The following ADGRB3 variants were observed in gnomAD, a reference collection of about 807,000 sequenced individuals.
ADGRB3 encodes adhesion G protein-coupled receptor B3.
In ADGRB3, 37 loss-of-function variants were observed where a neutral mutation model predicts 193.4. The observed-to-expected ratio is 0.19, with a 90% CI of 0.15 to 0.25. The LOEUF (loss-of-function observed/expected upper bound fraction) is 0.25. Among genes scored for constraint, ADGRB3 ranks in the 10% least tolerant of loss-of-function variants. The probability of loss-of-function intolerance (pLI) is 1.00; values close to 1 mark genes in which losing one functional copy is unlikely to be tolerated. For synonymous variants in ADGRB3, 690 were observed against 644.2 expected (o/e 1.07, Z -1.08); for missense variants, 1,637 against 1,852.9 (o/e 0.88, Z 2.14).
intron 12 of ADGRB3, among the ~76,000 whole-genome samples, chr6:69,016,920 A>G (rs1239556988): frequency 3.3e-5 from 5 of 151,924 alleles, no homozygotes; most frequent in African/African-American, 1.2e-4. Flanking sequence ...ATACTCATAT[A>G]CATATGCACC....
intron 20 of ADGRB3, among the ~76,000 whole-genome samples, chr6:69,258,079 C>A (rs188031880): frequency 2.6e-5 from 4 of 152,110 alleles, no homozygotes; most frequent in Admixed American, 1.3e-4. Flanking sequence ...GAAATCTCTG[C>A]AGCTAGCGAT....
At chr6:69,182,362 T>C (rs62406816) in intron 17 of ADGRB3, among the ~76,000 whole-genome samples, 4,080 of 148,598 alleles carry the variant, frequency 0.027, 80 homozygotes, top group Non-Finnish European at 0.042. Flanking sequence ...CCCAGAAACC[T>C]ATGGAAGTAA....
At chr6:68,644,131 A>G (rs999453579) in intron 3 of ADGRB3, among the ~76,000 whole-genome samples, 1 of 152,106 alleles carries the variant, frequency 6.6e-6, no homozygotes, top group Admixed American at 6.5e-5. Context: ...AATAGGAAAG[A>G]CAGCAATAAA....
At chr6:68,679,566 G>A (rs778290666) in intron 3 of ADGRB3, among the ~76,000 whole-genome samples, 4 of 151,986 alleles carry the variant, frequency 2.6e-5, no homozygotes, top group African/African-American at 7.2e-5. Flanking sequence ...ATACATGAAA[G>A]GAGAAGCACA....
intron 17 of ADGRB3, among the ~76,000 whole-genome samples, chr6:69,149,221 T>C (rs1178817230): frequency 6.6e-6 from 1 of 152,042 alleles, no homozygotes; most frequent in Non-Finnish European, 1.5e-5. Flanking sequence ...GCCTCATTCT[T>C]TTCTATTATT....
intron 3 of ADGRB3, among the ~76,000 whole-genome samples, chr6:68,682,254 C>G (rs1764910038): frequency 6.6e-6 from 1 of 152,212 alleles, no homozygotes; most frequent in Admixed American, 6.5e-5. Context: ...AAGTGTACAA[C>G]TAACCCAGTC....
intron 3 of ADGRB3, among the ~76,000 whole-genome samples, chr6:68,779,556 C>T (rs1562026130): frequency 6.6e-6 from 1 of 152,042 alleles, no homozygotes; most frequent in Non-Finnish European, 1.5e-5. Flanking sequence ...ATCAAATCAT[C>T]AGTGGAAAGA....
At chr6:69,231,671 A>T (rs1265586639) in intron 17 of ADGRB3, among the ~76,000 whole-genome samples, 3 of 151,996 alleles carry the variant, frequency 2.0e-5, no homozygotes, top group Admixed American at 6.6e-5. Context: ...CTGCTTTTTT[A>T]AAAAATTGGC....
intron 3 of ADGRB3, among the ~76,000 whole-genome samples, chr6:68,740,960 C>T (rs1396165008): frequency 6.6e-6 from 1 of 152,106 alleles, no homozygotes; most frequent in African/African-American, 2.4e-5. Context: ...CTCTGAAGTG[C>T]ATGCATACAG....
chr6:69,352,246 G>A (rs556611967), intron 26 of ADGRB3, among the ~76,000 whole-genome samples: 1 of 152,232 alleles, frequency 6.6e-6, no homozygotes, highest in African/African-American at 2.4e-5. Flanking sequence ...AATCTAAAAA[G>A]GAGGAGCTTG....
At chr6:69,038,068 A>G (rs112907223) in intron 13 of ADGRB3, among the ~76,000 whole-genome samples, 2,535 of 152,258 alleles carry the variant, frequency 0.017, 58 homozygotes, top group African/African-American at 0.052. Flanking sequence ...TAGGGGCTCA[A>G]TAGAGGTTTG....
rs1582669933 is a variant in ADGRB3, at chr6:69,382,939, A to G, written c.4380+4A>G. ...TATACCAAATACAAGCAGTATGGTA[A>G]GTATGCTTTGCTTCAATGCCTGAGT... On this transcript the variant is annotated splice_donor_region_variant and intron_variant, in intron 31 of 31. Coordinates refer to ENST00000370598, the MANE Select transcript of ADGRB3 (RefSeq NM_001704.3). The G allele has an allele frequency of 6.3e-7, 1 of 1,584,148 alleles. No homozygotes were observed. Among genetic ancestry groups the G allele is most frequent in the South Asian group, 1.1e-5 (1 of 89,468 alleles).
intron 17 of ADGRB3, among the ~76,000 whole-genome samples, chr6:69,210,767 G>A (rs1390273402): frequency 6.6e-6 from 1 of 152,010 alleles, no homozygotes. Flanking sequence ...TGGAGGGGAC[G>A]TTCAAACCAT....
intron 20 of ADGRB3, among the ~76,000 whole-genome samples, chr6:69,276,634 TTCA>T (rs1372725227): frequency 1.3e-5 from 2 of 152,180 alleles, no homozygotes; most frequent in African/African-American, 4.8e-5. Flanking sequence ...TTCCAAGGTC[TTCA>T]TCAGCCACCA....
chr6:69,384,495 G>T (rs1178172721), intron 31 of ADGRB3, among the ~76,000 whole-genome samples: 2 of 151,986 alleles, frequency 1.3e-5, no homozygotes, highest in African/African-American at 2.4e-5. Flanking sequence ...AAAGGAGAGG[G>T]TTATATTTAC....
intron 20 of ADGRB3, among the ~76,000 whole-genome samples, chr6:69,317,908 T>C (rs970781409): frequency 7.9e-5 from 12 of 151,540 alleles, no homozygotes; most frequent in African/African-American, 2.9e-4. Context: ...TAGATTAGTT[T>C]ATTGATCTCA....
chr6:69,156,898 C>T (rs544247756), intron 17 of ADGRB3, among the ~76,000 whole-genome samples: 1 of 152,300 alleles, frequency 6.6e-6, no homozygotes, highest in South Asian at 2.1e-4. Flanking sequence ...CAGCTCACAA[C>T]TTGATCAAGC....
At chr6:68,843,051 C>CAAAAA (rs55855427) in intron 3 of ADGRB3, among the ~76,000 whole-genome samples, 4 of 129,950 alleles carry the variant, frequency 3.1e-5, no homozygotes, top group South Asian at 2.6e-4. Context: ...TATACAACAA[C>CAAAAA]AAAAAAAAAA....
chr6:69,322,988 G>A (rs1296474725), intron 20 of ADGRB3, among the ~76,000 whole-genome samples: 1 of 151,898 alleles, frequency 6.6e-6, no homozygotes, highest in Non-Finnish European at 1.5e-5. Context: ...AATTACATGT[G>A]CTTCAATTTG....
Sources: allele counts gnomAD v4.1 joint callset (sites outside exome capture counted in the v4.1 genomes callset), GRCh38; gene constraint gnomAD v4.1.1; transcripts MANE v1.5; gene names NCBI Gene and HGNC (gene_info 2026-07-23, HGNC 2026-07-21).